ADAMTS3: variants seen among roughly 807,000 people sequenced by gnomAD.
ADAMTS3 encodes the protein ADAM metallopeptidase with thrombospondin type 1 motif 3.
A neutral mutation model predicts 129.0 loss-of-function variants in ADAMTS3; 73 were observed. That is an observed-to-expected ratio of 0.57 (90% CI 0.47 to 0.69). ADAMTS3 has a LOEUF of 0.69. Ranked by LOEUF, ADAMTS3 falls within the 30% of genes least tolerant of loss-of-function variation. The probability of loss-of-function intolerance (pLI) is 0.00; values close to 1 mark genes in which losing one functional copy is unlikely to be tolerated. For synonymous variants in ADAMTS3, 477 were observed against 510.8 expected (o/e 0.93, Z 0.89); for missense variants, 1,457 against 1,514.5 (o/e 0.96, Z 0.63).
intron 17 of ADAMTS3, among the ~76,000 whole-genome samples, chr4:72,299,275 G>A (rs1339792707): frequency 2.0e-5 from 3 of 151,958 alleles, no homozygotes; most frequent in Admixed American, 6.6e-5. Context: ...GGTACAATGT[G>A]CATTGCTCCA....
At chr4:72,512,131 G>A (rs971251647) in intron 3 of ADAMTS3, among the ~76,000 whole-genome samples, 1 of 152,078 alleles carries the variant, frequency 6.6e-6, no homozygotes, top group African/African-American at 2.4e-5. Context: ...GTAGTGGGAG[G>A]GTTGTGGGGA....
At chr4:72,407,674 G>C (rs916147894) in intron 4 of ADAMTS3, among the ~76,000 whole-genome samples, 2 of 152,064 alleles carry the variant, frequency 1.3e-5, no homozygotes, top group Non-Finnish European at 2.9e-5. Context: ...TGGCCACAAA[G>C]ACTTAAGATG....
chr4:72,382,740 T>C (rs1721326889), intron 4 of ADAMTS3, among the ~76,000 whole-genome samples: 1 of 152,142 alleles, frequency 6.6e-6, no homozygotes, highest in Non-Finnish European at 1.5e-5. Context: ...AACATGGATG[T>C]AGCTGGAGGC....
At chr4:72,455,798 A>G (rs1213068984) in intron 3 of ADAMTS3, among the ~76,000 whole-genome samples, 1 of 115,216 alleles carries the variant, frequency 8.7e-6, no homozygotes, top group East Asian at 2.6e-4. Flanking sequence ...ATATATATAT[A>G]TTTTGTGTCT....
At chr4:72,513,357 AC>A (rs1475109846) in intron 3 of ADAMTS3, among the ~76,000 whole-genome samples, 1 of 152,092 alleles carries the variant, frequency 6.6e-6, no homozygotes, top group Non-Finnish European at 1.5e-5. Context: ...ATAATGTTAT[AC>A]CATCTTTCCC....
intron 3 of ADAMTS3, among the ~76,000 whole-genome samples, chr4:72,447,257 T>C (rs1718279644): frequency 6.6e-6 from 1 of 151,726 alleles, no homozygotes; most frequent in Non-Finnish European, 1.5e-5. Flanking sequence ...ACTGCCAGCA[T>C]GAACAAGCAA....
At chr4:72,379,555 C>A (rs1721225701) in intron 4 of ADAMTS3, among the ~76,000 whole-genome samples, 1 of 151,792 alleles carries the variant, frequency 6.6e-6, no homozygotes, top group African/African-American at 2.4e-5. Flanking sequence ...TCAAGTCAAT[C>A]ATAGAGCTAT....
At chr4:72,415,189 G>A (rs1307354494) in intron 3 of ADAMTS3, among the ~76,000 whole-genome samples, 1 of 151,684 alleles carries the variant, frequency 6.6e-6, no homozygotes, top group South Asian at 2.1e-4. Flanking sequence ...TCATATTAAG[G>A]TATTACGGAA....
intron 2 of ADAMTS3, among the ~76,000 whole-genome samples, chr4:72,561,779 G>A (rs1721910514): frequency 2.6e-5 from 4 of 152,142 alleles, no homozygotes; most frequent in Admixed American, 2.6e-4. Context: ...CACTTCAAGA[G>A]CAAGGTATAC....
chr4:72,285,513 CCT>C (rs1269553002), intron 21 of ADAMTS3, among the ~76,000 whole-genome samples: 6 of 151,960 alleles, frequency 3.9e-5, no homozygotes, highest in African/African-American at 9.7e-5. Context: ...CCTCATCGCC[CCT>C]GTTAGGAGGC....
chr4:72,371,410 G>T (rs1425633444), intron 4 of ADAMTS3, among the ~76,000 whole-genome samples: 1 of 150,462 alleles, frequency 6.6e-6, no homozygotes, highest in African/African-American at 2.4e-5. Context: ...AAATGAAAGG[G>T]TAAAGAAAAT....
chr4:72,411,832 A>G (rs1016318576), intron 4 of ADAMTS3, among the ~76,000 whole-genome samples: 2 of 151,896 alleles, frequency 1.3e-5, no homozygotes, highest in Non-Finnish European at 2.9e-5. Flanking sequence ...TCCTTAAACA[A>G]TCTCTCTCTC....
intron 4 of ADAMTS3, among the ~76,000 whole-genome samples, chr4:72,340,039 A>G (rs1720095620): frequency 2.0e-5 from 3 of 152,188 alleles, no homozygotes; most frequent in Admixed American, 2.0e-4. Context: ...CTATGTAGTT[A>G]TTAAATAAAT....
At chr4:72,546,796 G>A (rs1336163131) in intron 3 of ADAMTS3, among the ~76,000 whole-genome samples, 5 of 152,170 alleles carry the variant, frequency 3.3e-5, no homozygotes, top group African/African-American at 1.2e-4. Context: ...CCAGGACTCT[G>A]TGGGAGAAAT....
chr4:72,406,106 G>T (rs190094256), intron 4 of ADAMTS3, among the ~76,000 whole-genome samples: 1 of 152,060 alleles, frequency 6.6e-6, no homozygotes, highest in Non-Finnish European at 1.5e-5. Context: ...GTCAATGTGG[G>T]TCCCATACCA....
intron 4 of ADAMTS3, among the ~76,000 whole-genome samples, chr4:72,346,757 G>C (rs1720296634): frequency 6.6e-6 from 1 of 152,064 alleles, no homozygotes; most frequent in African/African-American, 2.4e-5. Context: ...AAATGAAAAT[G>C]CTATAGTTTT....
intron 2 of ADAMTS3, among the ~76,000 whole-genome samples, chr4:72,563,250 A>G (rs981086042): frequency 3.3e-5 from 5 of 152,196 alleles, no homozygotes; most frequent in African/African-American, 9.6e-5. Context: ...AGCAGTTAAC[A>G]TTCACCATAA....
At position 72,569,016 on chromosome 4, in the gene ADAMTS3, A is replaced by G. The variant is rs1247297005; in HGVS notation, c.-254T>C. ...CAACACAGAGTGTGCAGGAGCGAGA[A>G]GGTGCTGTAAGCGGGCACAGGCTAA... On this transcript the variant is annotated 5_prime_UTR_variant, in exon 1 of 22. Coordinates refer to ENST00000286657, the MANE Select transcript of ADAMTS3 (RefSeq NM_014243.3). The G allele has an allele frequency of 7.3e-6, 4 of 547,920 alleles. No individual in the cohort carries two copies. The East Asian group carries it at 1.2e-4, about 17-fold the overall frequency. 33.9% of individuals were successfully genotyped at this position (547,920 alleles called of 1,614,324 possible).
intron 3 of ADAMTS3, among the ~76,000 whole-genome samples, chr4:72,424,682 C>A (rs62319885): frequency 0.096 from 11,532 of 119,780 alleles, 565 homozygotes; most frequent in Non-Finnish European, 0.12. Flanking sequence ...CTGTTTGTTA[C>A]ATGAGAGTCT....
Sources: gnomAD v4.1 joint callset for allele counts (sites outside exome capture counted in the v4.1 genomes callset) on GRCh38, gnomAD v4.1.1 for gene constraint, MANE v1.5 for transcripts, NCBI Gene and HGNC (gene_info 2026-07-23, HGNC 2026-07-21) for gene names.